The following FBRSL1 variants were observed in gnomAD, a reference collection of about 807,000 sequenced individuals.
The protein encoded by FBRSL1 is fibrosin-1-like protein.
A neutral mutation model predicts 89.6 loss-of-function variants in FBRSL1; 51 were observed. The ratio of observed to expected loss-of-function variants is 0.57; its 90% CI spans 0.45 to 0.72. The LOEUF (loss-of-function observed/expected upper bound fraction) is 0.72. FBRSL1 is among the 30% of genes least tolerant of loss of function. FBRSL1 has a pLI of 0.00. For missense variants in FBRSL1, 1,618 were observed against 1,451.8 expected, an observed-to-expected ratio of 1.11 and a Z score of -1.86; for synonymous variants, 779 against 681.1, an observed-to-expected ratio of 1.14 and a Z score of -2.24.
At chr12:132,545,345 G>A (rs78410702) in intron 4 of FBRSL1, among the ~76,000 whole-genome samples, 13,447 of 152,214 alleles carry the variant, frequency 0.088, 1,212 homozygotes, top group African/African-American at 0.23. Flanking sequence ...TTTTCTCCTC[G>A]CCCTGATTAA....
intron 4 of FBRSL1, among the ~76,000 whole-genome samples, chr12:132,530,151 C>T (rs1413466710): frequency 2.6e-5 from 4 of 152,026 alleles, no homozygotes; most frequent in East Asian, 3.9e-4. Context: ...GCTCCTCCGC[C>T]CTTCCCATCA....
chr12:132,574,220 G>A (rs1377645960), intron 12 of FBRSL1, 62 bp downstream of exon 12: 1 of 1,440,102 alleles, frequency 6.9e-7, no homozygotes, highest in Non-Finnish European at 9.1e-7. Context: ...CGGGCCCTGT[G>A]CGGGCTGGTG....
At chr12:132,568,764 C>T (rs564982349) in intron 6 of FBRSL1, among the ~76,000 whole-genome samples, 103 of 152,132 alleles carry the variant, frequency 6.8e-4, no homozygotes, top group African/African-American at 2.3e-3. Context: ...AGATAGTGCC[C>T]GTGGGCTCCC....
chr12:132,568,682 C>A (rs1215288505), intron 6 of FBRSL1, among the ~76,000 whole-genome samples: 1 of 152,258 alleles, frequency 6.6e-6, no homozygotes, highest in Non-Finnish European at 1.5e-5. Flanking sequence ...ATATGCAAGG[C>A]TGGCTTGGAG....
Position 132,583,106 on chromosome 12 carries a change from A to C in FBRSL1, c.2337A>C (p.Glu779Asp). Residue 779 changes from glutamate (E) to aspartate (D), a missense_variant, in exon 19 of 19, where the codon GAA becomes GAC. Transcript: ENST00000680143. ...RSGAPAEREA[E>D]PRVKESRSPA... ...GGGCCCCCGCGGAGCGCGAGGCCGA[A>C]CCTCGGGTCAAGGAGAGCCGCTCCC... 6.9e-7 allele frequency: 1 copy of C among 1,455,398 alleles called. No individual in the cohort carries two copies. 90.2% of individuals were successfully genotyped at this position (1,455,398 alleles called of 1,614,324 possible). A position where few individuals can be genotyped will look rare whatever the true frequency, so the allele number is the denominator to read the frequency against.
chr12:132,500,848 C>T (rs1322832902), intron 1 of FBRSL1, among the ~76,000 whole-genome samples: 1 of 152,244 alleles, frequency 6.6e-6, no homozygotes, highest in Non-Finnish European at 1.5e-5. Flanking sequence ...CTAACCTCTC[C>T]TGCCGCAGTG....
At chr12:132,568,741 G>A (rs940822585) in intron 6 of FBRSL1, among the ~76,000 whole-genome samples, 4 of 152,174 alleles carry the variant, frequency 2.6e-5, no homozygotes, top group African/African-American at 9.7e-5. Flanking sequence ...CAGGGAGCTG[G>A]GAAAGCCGGT....
chr12:132,539,033 G>A (rs2036993083), intron 4 of FBRSL1, among the ~76,000 whole-genome samples: 1 of 150,948 alleles, frequency 6.6e-6, no homozygotes, highest in South Asian at 2.1e-4. Context: ...CTGTGCCCTG[G>A]TGGGCTCCCA....
At position 132,510,259 on chromosome 12, in the gene FBRSL1, C is replaced by T; in HGVS notation, c.489+1909C>T. 5 of 1,231,868 alleles carry T rather than the reference C, an allele frequency of 4.1e-6. No homozygotes were observed. The Middle Eastern group carries it at 9.3e-4, about 230-fold the overall frequency. 76.3% of individuals were successfully genotyped at this position (1,231,868 alleles called of 1,614,324 possible). A position where few individuals can be genotyped will look rare whatever the true frequency, so the allele number is the denominator to read the frequency against. ...TCACTCCTGGGGCAGCCGGGCCCAC[C>T]CTGCCGGCCTCTCCTGGGGCTCCTG... On this transcript the variant is annotated intron_variant, in intron 2 of 18. Coordinates refer to ENST00000680143, the MANE Select transcript of FBRSL1 (RefSeq NM_001367871.1).
In FBRSL1 at chr12:132,556,702, G is replaced by GCACCCC. The variant is rs1357547474; in HGVS notation, c.645+8671_645+8672insACCCCC. Among the ~76,000 whole-genome samples, 136 of 100,284 alleles carry GCACCCC rather than the reference G, an allele frequency of 1.4e-3. 2 individuals are homozygous for GCACCCC. The highest frequency in any genetic ancestry group is 9.3e-3 in the Middle Eastern group (1 of 108). 65.8% of individuals were successfully genotyped at this position (100,284 alleles called of 152,430 possible). On this transcript the variant is annotated intron_variant, in intron 5 of 18. Coordinates refer to ENST00000680143, the MANE Select transcript of FBRSL1 (RefSeq NM_001367871.1). ...ACGCTCCTCTCCAGGCCTTCATGCT[G>GCACCCC]CCTCCAACCCCTGTCCTGTGGGACG...
chr12:132,525,906 A>C (rs1210088550), intron 3 of FBRSL1, 83 bp downstream of exon 3: 1 of 1,190,110 alleles, frequency 8.4e-7, no homozygotes, highest in Non-Finnish European at 1.2e-6. Context: ...GTCCAGTCCG[A>C]GTCTGGGCCG....
At position 132,491,563 on chromosome 12, in the gene FBRSL1, G is replaced by A. The variant is rs2030972551; in HGVS notation, c.291+702G>A. The stretch of plus-strand genomic sequence containing the variant: ...GCACCAGGGCCGAGACCCGCCCAGC[G>A]AGGTGTGCCCCGTGCAGCACTTACT... On this transcript the variant is annotated intron_variant, in intron 1 of 18. Transcript: ENST00000680143. 2.0e-5 allele frequency among the ~76,000 whole-genome samples: 3 copies of A among 152,358 alleles called. No individual in the cohort carries two copies. In the South Asian group the frequency reaches 6.2e-4, roughly 32 times the overall value.
In FBRSL1 at chr12:132,525,738, A is replaced by G; in HGVS notation, c.494A>G (p.Lys165Arg). 6.5e-7 allele frequency: 1 copy of G among 1,549,102 alleles called. No individual in the cohort carries two copies. The highest frequency in any genetic ancestry group is 8.7e-7 in the Non-Finnish European group (1 of 1,145,550). Residue 165 changes from lysine (K) to arginine (R), a missense_variant, in exon 3 of 19, where the codon AAG becomes AGG. Physicochemically the swap from Lys to Arg is conservative, Grantham distance 26. Transcript: ENST00000680143. ...CAGTGTCTCTCTCTGTCCCAGATGAAGGTCACCGTGTCCAAAGGGGGCGAC... is the reference window on the plus strand; with the variant it reads ...CAGTGTCTCTCTCTGTCCCAGATGAGGGTCACCGTGTCCAAAGGGGGCGAC... ...KVPLQPSKQM[K>R]VTVSKGGDRD...
rs141255380 is a variant in FBRSL1 at position 132,491,455 on chromosome 12, A to G, written c.291+594A>G. 7.9e-5 allele frequency among the ~76,000 whole-genome samples: 12 copies of G among 152,354 alleles called. No homozygotes were observed. The East Asian group carries it at 1.7e-3, about 22-fold the overall frequency. Reference sequence around the variant, plus strand: ...TTACATGAACTCAGCTGAGCAGAGAAGGAAATTAAATGCTGTCTGAGAGTT... The same window carrying G: ...TTACATGAACTCAGCTGAGCAGAGAGGGAAATTAAATGCTGTCTGAGAGTT... On this transcript the variant is annotated intron_variant, in intron 1 of 18. Transcript: ENST00000680143.
At chr12:132,517,815 G>A (rs886824963) in intron 2 of FBRSL1, among the ~76,000 whole-genome samples, 1 of 151,958 alleles carries the variant, frequency 6.6e-6, no homozygotes, top group East Asian at 1.9e-4. Flanking sequence ...TTACAAACTC[G>A]TGGGGGAGGC....
At chr12:132,542,517 C>T (rs963297730) in intron 4 of FBRSL1, among the ~76,000 whole-genome samples, 4 of 152,228 alleles carry the variant, frequency 2.6e-5, no homozygotes, top group Admixed American at 6.5e-5. Flanking sequence ...AACCTTCATG[C>T]AGTGCCTCAG....
intron 4 of FBRSL1, among the ~76,000 whole-genome samples, chr12:132,528,645 T>C (rs1480406982): frequency 2.0e-5 from 3 of 151,648 alleles, no homozygotes; most frequent in African/African-American, 7.3e-5. Context: ...CGGGTGTGTT[T>C]CAGTGTGTGC....
At position 132,497,861 on chromosome 12, in the gene FBRSL1, G is replaced by A. The variant is rs58226169; in HGVS notation, c.291+7000G>A. The stretch of plus-strand genomic sequence containing the variant: ...GCAGCCCCCAGGTCCCTGAGGGAGG[G>A]CCAGGGCTTGTGGCGTGCGATGTGT... On this transcript the variant is annotated intron_variant, in intron 1 of 18. Coordinates refer to ENST00000680143, the MANE Select transcript of FBRSL1 (RefSeq NM_001367871.1). Among the ~76,000 whole-genome samples, 20 of 152,360 alleles carry A rather than the reference G, an allele frequency of 1.3e-4. No individual in the cohort carries two copies. In the East Asian group the frequency reaches 3.7e-3, roughly 28 times the overall value.
intron 4 of FBRSL1, among the ~76,000 whole-genome samples, chr12:132,539,729 C>G (rs1384839351): frequency 1.2e-5 from 1 of 80,648 alleles, no homozygotes; most frequent in African/African-American, 5.5e-5. Flanking sequence ...CTCCCAGCCC[C>G]GTGCCCCCAC....
Sources: allele counts gnomAD v4.1 joint callset (sites outside exome capture counted in the v4.1 genomes callset), GRCh38; gene constraint gnomAD v4.1.1; transcripts MANE v1.5; gene names NCBI Gene and HGNC (gene_info 2026-07-23, HGNC 2026-07-21).